The following SRGAP2C variants were observed in gnomAD, a reference collection of about 807,000 sequenced individuals.
The protein encoded by SRGAP2C is SLIT-ROBO Rho GTPase activating protein 2C.
SRGAP2C carries 15 observed loss-of-function variants against 25.1 expected under a neutral mutation model. The observed-to-expected ratio is 0.60, with a 90% CI of 0.40 to 0.92. SRGAP2C has a LOEUF of 0.92. Ranked by LOEUF, SRGAP2C falls within the 40% of genes least tolerant of loss-of-function variation. SRGAP2C has a pLI of 0.00. For missense variants in SRGAP2C, 144 were observed against 264.4 expected (o/e 0.54, Z 3.16); for synonymous variants, 44 against 96.6 (o/e 0.46, Z 3.19).
At chr1:121,370,686 C>T (rs1379797337) in intron 5 of SRGAP2C, among the ~76,000 whole-genome samples, 30 of 152,170 alleles carry the variant, frequency 2.0e-4, no homozygotes, top group South Asian at 4.2e-4. Flanking sequence ...CCTCGTAATC[C>T]GCCCACCTGG....
chr1:121,359,793 A>G (rs1659145710), intron 4 of SRGAP2C, among the ~76,000 whole-genome samples: 1 of 152,200 alleles, frequency 6.6e-6, no homozygotes, highest in Non-Finnish European at 1.5e-5. Flanking sequence ...AAGAAAGAAA[A>G]GAAAAAAAGA....
At chr1:121,377,123 AC>A (rs1307326118) in intron 7 of SRGAP2C, among the ~76,000 whole-genome samples, 23,689 of 133,720 alleles carry the variant, frequency 0.18, 2,311 homozygotes, top group Non-Finnish European at 0.26. Flanking sequence ...AAAAAAAAAA[AC>A]GTCTGCTAAG....
intron 4 of SRGAP2C, among the ~76,000 whole-genome samples, chr1:121,326,717 CAG>C: frequency 1.2e-5 from 1 of 85,246 alleles, no homozygotes; most frequent in East Asian, 5.7e-4. Context: ...GATCAAGAAA[CAG>C]AACATTTCTG....
intron 2 of SRGAP2C, among the ~76,000 whole-genome samples, chr1:121,249,584 T>A (rs1223666429): frequency 3.1e-3 from 120 of 39,294 alleles, no homozygotes; most frequent in African/African-American, 6.7e-3. Context: ...ATATATATTT[T>A]TTTTTTTTTT....
chr1:121,272,287 A>G (rs1553335390), intron 2 of SRGAP2C, among the ~76,000 whole-genome samples: 1 of 150,932 alleles, frequency 6.6e-6, no homozygotes, highest in Non-Finnish European at 1.5e-5. Context: ...TGTTATTAAC[A>G]AAATTTTACA....
chr1:121,328,517 G>A lies in SRGAP2C; in HGVS notation c.423+3877G>A, dbSNP rs1475984112. 7.3e-5 allele frequency among the ~76,000 whole-genome samples: 11 copies of A among 151,628 alleles called. No homozygotes were observed. The South Asian group carries it at 1.7e-3, about 23-fold the overall frequency. ...TGTATTATCTCCTTTAATCCTTACCGTAATTTTATAAAGTAGTTACTATTG... is the reference window on the plus strand; with the variant it reads ...TGTATTATCTCCTTTAATCCTTACCATAATTTTATAAAGTAGTTACTATTG... On this transcript the variant is annotated intron_variant, in intron 4 of 9. Transcript: ENST00000367123.
Position 121,322,917 on chromosome 1 carries a change from C to T in SRGAP2C, c.261-1561C>T, listed in dbSNP as rs1553341289. 8.1e-3 allele frequency among the ~76,000 whole-genome samples: 1,239 copies of T among 152,062 alleles called. 20 individuals are homozygous for T. The highest frequency in any genetic ancestry group is 0.028 in the African/African-American group (1,178 of 41,432). ...CTTTGTAGTAGGAGTCTGACTGGAG[C>T]GGGGAAGAGAGGAAAGGGGGAAAGA... On this transcript the variant is annotated intron_variant, in intron 3 of 9. Transcript: ENST00000367123.
intron 3 of SRGAP2C, among the ~76,000 whole-genome samples, chr1:121,309,416 G>T (rs1439752253): frequency 8.0e-6 from 1 of 124,266 alleles, no homozygotes; most frequent in Non-Finnish European, 1.7e-5. Context: ...CAACTACACT[G>T]AATCATTCCT....
intron 2 of SRGAP2C, among the ~76,000 whole-genome samples, chr1:121,224,107 G>A (rs1165244577): frequency 5.3e-5 from 8 of 151,322 alleles, no homozygotes; most frequent in Non-Finnish European, 1.2e-4. Context: ...TACAGTTTCT[G>A]CCTCTGAGCG....
chr1:121,208,447 T>A (rs1655170789), intron 2 of SRGAP2C, among the ~76,000 whole-genome samples: 1 of 151,924 alleles, frequency 6.6e-6, no homozygotes, highest in South Asian at 2.1e-4. Flanking sequence ...ACTTAGCTGG[T>A]AAATATGTGA....
intron 4 of SRGAP2C, among the ~76,000 whole-genome samples, chr1:121,350,451 G>A (rs1658872451): frequency 6.6e-6 from 1 of 150,546 alleles, no homozygotes; most frequent in South Asian, 2.1e-4. Context: ...AATAAGAACT[G>A]TGACCAAAAG....
chr1:121,329,153 G>A (rs1658382306), intron 4 of SRGAP2C, among the ~76,000 whole-genome samples: 1 of 149,064 alleles, frequency 6.7e-6, no homozygotes, highest in Admixed American at 6.7e-5. Context: ...GGAGGTTGCA[G>A]TGAGCAGAGA....
At chr1:121,253,945 C>T (rs1342056953) in intron 2 of SRGAP2C, among the ~76,000 whole-genome samples, 3 of 151,816 alleles carry the variant, frequency 2.0e-5, no homozygotes, top group Non-Finnish European at 4.4e-5. Flanking sequence ...TGGAGTCTCA[C>T]TCCGTCACCC....
chr1:121,264,389 CTG>C (rs1656711413), intron 2 of SRGAP2C, among the ~76,000 whole-genome samples: 1 of 124,470 alleles, frequency 8.0e-6, no homozygotes, highest in Admixed American at 8.6e-5. Flanking sequence ...AATTCCCACT[CTG>C]TGTTCACATT....
intron 2 of SRGAP2C, among the ~76,000 whole-genome samples, chr1:121,220,869 GAT>G (rs1218068728): frequency 4.6e-5 from 2 of 43,566 alleles, no homozygotes; most frequent in African/African-American, 2.1e-4. Context: ...GCATTAAATT[GAT>G]ATAAAGACAC....
intron 3 of SRGAP2C, among the ~76,000 whole-genome samples, chr1:121,287,886 C>A (rs1345212017): frequency 6.6e-6 from 1 of 151,860 alleles, no homozygotes; most frequent in African/African-American, 2.4e-5. Context: ...TCATTCCTCC[C>A]GGTGGGCTTG....
intron 2 of SRGAP2C, among the ~76,000 whole-genome samples, chr1:121,228,698 C>A (rs1655742116): frequency 6.6e-6 from 1 of 152,020 alleles, no homozygotes; most frequent in Non-Finnish European, 1.5e-5. Flanking sequence ...ATGGTCATTT[C>A]TTGTGAAGAT....
intron 2 of SRGAP2C, among the ~76,000 whole-genome samples, chr1:121,230,075 C>G: frequency 6.6e-6 from 1 of 152,064 alleles, no homozygotes; most frequent in African/African-American, 2.4e-5. Flanking sequence ...GGGTTGGACA[C>G]TACGTGACAG....
At chr1:121,320,786 C>A (rs1170566831) in intron 3 of SRGAP2C, among the ~76,000 whole-genome samples, 5 of 151,982 alleles carry the variant, frequency 3.3e-5, no homozygotes, top group African/African-American at 1.2e-4. Context: ...AGCAGCTATT[C>A]CCCTTCATAA....
Sources: gnomAD v4.1 joint callset for allele counts (sites outside exome capture counted in the v4.1 genomes callset) on GRCh38, gnomAD v4.1.1 for gene constraint, MANE v1.5 for transcripts, NCBI Gene and HGNC (gene_info 2026-07-23, HGNC 2026-07-21) for gene names.